Variants in SNX25 observed in about 807,000 individuals in gnomAD.
SNX25 encodes the protein sorting nexin-25.
A neutral mutation model predicts 113.7 loss-of-function variants in SNX25; 62 were observed. That is an observed-to-expected ratio of 0.55 (90% CI 0.44 to 0.67). SNX25 has a LOEUF of 0.67. SNX25 is among the 30% of genes least tolerant of loss of function. The pLI is 0.00. For synonymous variants in SNX25, 421 were observed against 436.2 expected (o/e 0.97, Z 0.43); for missense variants, 1,014 against 1,161.0 (o/e 0.87, Z 1.84).
rs1369008475 is a variant in SNX25, at chr4:185,332,759, G to A, written c.1914G>A (p.Lys638=). ...SIQNAPKPDK[K]IVSKLKDEII... ...AAAATGCACCAAAACCTGACAAGAA[G>A]GTAACTCTTTGCTTTCAAGGTTGTC... The change falls in exon 10 of 19, where the codon AAG becomes AAA. Residue 638 remains lysine (K), a splice_region_variant and synonymous_variant. Transcript: ENST00000652585. The A allele has an allele frequency of 2.5e-6, 4 of 1,612,044 alleles. No homozygotes were observed. The highest frequency in any genetic ancestry group is 2.5e-6 in the Non-Finnish European group (3 of 1,179,332).
At chr4:185,287,305 C>T (rs532387511) in intron 5 of SNX25, among the ~76,000 whole-genome samples, 42 of 152,280 alleles carry the variant, frequency 2.8e-4, no homozygotes, top group African/African-American at 9.1e-4. Flanking sequence ...CTCAGCTCTC[C>T]GTGTGCCTTA....
chr4:185,351,907 G>A (rs1321418943), intron 14 of SNX25, among the ~76,000 whole-genome samples: 4 of 131,864 alleles, frequency 3.0e-5, no homozygotes, highest in Admixed American at 7.7e-5. Context: ...CCGTCATTGC[G>A]GGGTGGGGGG....
chr4:185,214,693 GT>G (rs1738494083), intron 1 of SNX25, among the ~76,000 whole-genome samples: 1 of 152,214 alleles, frequency 6.6e-6, no homozygotes, highest in Admixed American at 6.5e-5. Flanking sequence ...AGTTTAACAA[GT>G]TCATCAAATT....
chr4:185,279,866 G>T (rs1056127206), intron 5 of SNX25, among the ~76,000 whole-genome samples: 5 of 152,050 alleles, frequency 3.3e-5, no homozygotes, highest in Non-Finnish European at 7.4e-5. Flanking sequence ...CAAGAATGTT[G>T]CTTGTAGTTT....
chr4:185,310,892 TC>T, intron 7 of SNX25, 76 bp downstream of exon 7: 1 of 1,398,262 alleles, frequency 7.2e-7, no homozygotes, highest in Non-Finnish European at 9.6e-7. Context: ...ATAAAGACTT[TC>T]AACTTTTTAG....
intron 14 of SNX25, 190 bp from the exon 15 acceptor site, chr4:185,353,295 A>C: frequency 2.0e-6 from 1 of 495,696 alleles, no homozygotes; most frequent in African/African-American, 1.9e-5. Context: ...TAAGCCTTGA[A>C]TAAGGCTCGA....
In SNX25 at chr4:185,320,865, G is replaced by T. The variant is rs1358355846; in HGVS notation, c.1476+1G>T. ...GGAACATTTAAAGAATGCTAACAAGGTAGTATATGTAGGCTGAAAGGAATA... is the reference window on the plus strand; with the variant it reads ...GGAACATTTAAAGAATGCTAACAAGTTAGTATATGTAGGCTGAAAGGAATA... On this transcript the variant is annotated splice_donor_variant, in intron 8 of 18. Coordinates refer to ENST00000652585, the MANE Select transcript of SNX25 (RefSeq NM_001378034.2). LOFTEE classifies it high-confidence loss of function. The T allele has an allele frequency of 6.3e-7, 1 of 1,586,482 alleles. No homozygotes were observed. Among genetic ancestry groups the T allele is most frequent in the Non-Finnish European group, 8.5e-7 (1 of 1,169,652 alleles).
chr4:185,363,237 C>A lies in SNX25; in HGVS notation c.2935-148C>A, dbSNP rs2095374491. 4.5e-6 allele frequency: 3 copies of A among 668,488 alleles called. No individual in the cohort carries two copies. The highest frequency in any genetic ancestry group is 1.8e-5 in the African/African-American group (1 of 55,112). 41.4% of individuals were successfully genotyped at this position (668,488 alleles called of 1,614,324 possible). A position where few individuals can be genotyped will look rare whatever the true frequency, so the allele number is the denominator to read the frequency against. On this transcript the variant is annotated intron_variant, in intron 18 of 18. Transcript: ENST00000652585. The surrounding 1 kb of genome is among the most constrained non-coding windows in gnomAD (Gnocchi z 4.2). Reference sequence around the variant, plus strand: ...TCCCAGTCATCTCTGATTATAGTTACCAATATTAAATACTGTTTGAGAGTT... The same window carrying A: ...TCCCAGTCATCTCTGATTATAGTTAACAATATTAAATACTGTTTGAGAGTT...
chr4:185,264,775 T>C (rs1747812343), intron 4 of SNX25, among the ~76,000 whole-genome samples, 165 bp downstream of exon 4: 1 of 152,230 alleles, frequency 6.6e-6, no homozygotes, highest in African/African-American at 2.4e-5. Context: ...AAATTTTTAA[T>C]ATGACATATC....
rs147264496 is a variant in SNX25, at chr4:185,352,224, C to T, written c.2466+615C>T. ...CTCCCCCAGAGTAGGCTGTGCACTC[C>T]TGTTCACACCACGGAGGCGCCTTGC... On this transcript the variant is annotated intron_variant, in intron 14 of 18. Coordinates refer to ENST00000652585, the MANE Select transcript of SNX25 (RefSeq NM_001378034.2). 3.0e-3 allele frequency among the ~76,000 whole-genome samples: 451 copies of T among 152,340 alleles called. 3 individuals carry two copies. Among genetic ancestry groups the T allele is most frequent in the African/African-American group, 0.01 (430 of 41,568 alleles).
chr4:185,343,849 G>A (rs1429567716), intron 12 of SNX25, among the ~76,000 whole-genome samples: 1 of 152,160 alleles, frequency 6.6e-6, no homozygotes, highest in Non-Finnish European at 1.5e-5. Context: ...TAACAAGAGT[G>A]AGGCGTGACA....
the SNX25 span, among the ~76,000 whole-genome samples, chr4:185,375,993 G>A: frequency 6.6e-6 from 1 of 152,110 alleles, no homozygotes; most frequent in South Asian, 2.1e-4. Flanking sequence ...GAGAGTAAGT[G>A]GGATATAGGT....
intron 12 of SNX25, among the ~76,000 whole-genome samples, chr4:185,344,082 G>A (rs903521612): frequency 6.6e-5 from 10 of 152,126 alleles, no homozygotes; most frequent in Non-Finnish European, 1.3e-4. Context: ...TTAGTTGGGT[G>A]TGGTGGTGCA....
At chr4:185,314,250 G>T (rs572709840) in intron 7 of SNX25, among the ~76,000 whole-genome samples, 130 of 151,018 alleles carry the variant, frequency 8.6e-4, no homozygotes, top group African/African-American at 3.1e-3. Context: ...AGCACTTGGC[G>T]GGCAAAGACA....
At position 185,277,951 on chromosome 4, in the gene SNX25, C is replaced by A. The variant is rs1490703628; in HGVS notation, c.1092-10061C>A. On this transcript the variant is annotated intron_variant, in intron 5 of 18. Coordinates refer to ENST00000652585, the MANE Select transcript of SNX25 (RefSeq NM_001378034.2). ...GTTTCACCGTTTTAGCCGGGATGGT[C>A]TCGATCTCCTGACCTCGTGATCCGC... Among the ~76,000 whole-genome samples, 2 of 46,824 alleles carry A rather than the reference C, an allele frequency of 4.3e-5. 1 individual carries two copies. Among genetic ancestry groups the A allele is most frequent in the Admixed American group, 4.6e-4 (2 of 4,390 alleles). The allele number at this position is 46,824 out of a possible 152,430, so 30.7% of individuals were successfully genotyped here.
intron 2 of SNX25, among the ~76,000 whole-genome samples, chr4:185,254,061 A>G (rs772565060): frequency 6.6e-6 from 1 of 152,148 alleles, no homozygotes; most frequent in African/African-American, 2.4e-5. Flanking sequence ...GCTGTTCCAG[A>G]TGTCTGGCTG....
At chr4:185,309,460 T>C (rs1272961727) in intron 6 of SNX25, among the ~76,000 whole-genome samples, 4 of 152,236 alleles carry the variant, frequency 2.6e-5, no homozygotes, top group Non-Finnish European at 4.4e-5. Context: ...TTGGAAAATA[T>C]CACCTGCCAT....
intron 4 of SNX25, among the ~76,000 whole-genome samples, chr4:185,265,052 G>A (rs1194511826): frequency 6.6e-6 from 1 of 151,276 alleles, no homozygotes; most frequent in African/African-American, 2.4e-5. Context: ...GGCAAGTCTT[G>A]AACTCCTGGG....
rs758263550 is a variant in SNX25, at chr4:185,332,583, C to G, written c.1750-12C>G. The G allele has an allele frequency of 1.3e-6, 2 of 1,599,426 alleles. No individual in the cohort carries two copies. Among genetic ancestry groups the G allele is most frequent in the African/African-American group, 2.7e-5 (2 of 74,288 alleles). ...CATTATAAGATATGGTGGTATGTGACTCTCCCCCTAGGGCCCAAGAGATGA... is the reference window on the plus strand; with the variant it reads ...CATTATAAGATATGGTGGTATGTGAGTCTCCCCCTAGGGCCCAAGAGATGA... On this transcript the variant is annotated splice_polypyrimidine_tract_variant and intron_variant, in intron 9 of 18. Transcript: ENST00000652585.
Sources: allele counts gnomAD v4.1 joint callset (sites outside exome capture counted in the v4.1 genomes callset), GRCh38; gene constraint gnomAD v4.1.1; non-coding constraint Gnocchi (gnomAD v3.1); transcripts MANE v1.5; gene names NCBI Gene and HGNC (gene_info 2026-07-23, HGNC 2026-07-21).